OSBPL3: variants seen among roughly 807,000 people sequenced by gnomAD.
OSBPL3 encodes the protein oxysterol binding protein like 3.
A neutral mutation model predicts 120.1 loss-of-function variants in OSBPL3; 65 were observed. The ratio of observed to expected loss-of-function variants is 0.54; its 90% CI spans 0.44 to 0.67. The LOEUF (loss-of-function observed/expected upper bound fraction) is 0.67, where lower values mean the gene tolerates loss of function less well. OSBPL3 is among the 30% of genes least tolerant of loss of function. The pLI, the probability that OSBPL3 is intolerant of heterozygous loss-of-function variation, is 0.00. For missense variants in OSBPL3, 1,004 were observed against 1,082.1 expected (o/e 0.93, Z 1.01); for synonymous variants, 416 against 402.6 (o/e 1.03, Z -0.40).
Position 24,896,633 on chromosome 7 carries a change from A to G in OSBPL3, c.-149-4012T>C, listed in dbSNP as rs1806173410. On this transcript the variant is annotated intron_variant, in intron 1 of 22. Transcript: ENST00000313367. The surrounding 1 kb of genome is among the most constrained non-coding windows in gnomAD (Gnocchi z 4.4). The stretch of plus-strand genomic sequence containing the variant: ...ATGTAAAGGTGACATCACATACTAT[A>G]TATGTGTGCTGGAAGGAGTCAGACC... 6.6e-6 allele frequency among the ~76,000 whole-genome samples: 1 copy of G among 152,202 alleles called. No individual in the cohort carries two copies. Among genetic ancestry groups the G allele is most frequent in the Non-Finnish European group, 1.5e-5 (1 of 68,036 alleles).
At chr7:24,807,051 CA>C in intron 20 of OSBPL3, 149 bp from the exon 21 acceptor site, 1 of 661,318 alleles carries the variant, frequency 1.5e-6, no homozygotes, top group Non-Finnish European at 2.5e-6. Context: ...AATGAACAGG[CA>C]CTGAACATTT....
intron 2 of OSBPL3, among the ~76,000 whole-genome samples, chr7:24,887,016 T>C (rs1363888966): frequency 6.6e-6 from 1 of 152,188 alleles, no homozygotes; most frequent in Non-Finnish European, 1.5e-5. Context: ...GCAATTCACA[T>C]TTACTATGTA....
chr7:24,816,319 C>A (rs952991281), intron 18 of OSBPL3, among the ~76,000 whole-genome samples: 2 of 152,158 alleles, frequency 1.3e-5, no homozygotes, highest in Non-Finnish European at 2.9e-5. Context: ...TGAGCCACTG[C>A]GCCCAGCTAA....
At chr7:24,945,728 C>T (rs951208402) in intron 1 of OSBPL3, among the ~76,000 whole-genome samples, 17 of 152,180 alleles carry the variant, frequency 1.1e-4, no homozygotes, top group Non-Finnish European at 5.9e-5. Context: ...GACATAACTA[C>T]ATTAATCACA....
In OSBPL3 at chr7:24,842,723, A is replaced by G. The variant is rs73087718; in HGVS notation, c.1267-310T>C. Among the ~76,000 whole-genome samples the G allele has an allele frequency of 7.9e-3, 1,210 of 152,328 alleles. 7 individuals are homozygous for G. The highest frequency in any genetic ancestry group is 0.044 in the Middle Eastern group (13 of 294). On this transcript the variant is annotated intron_variant, in intron 12 of 22. Coordinates refer to ENST00000313367, the MANE Select transcript of OSBPL3 (RefSeq NM_015550.4). ...GAAAAATTCCAGTGCTCTCTGAATC[A>G]TATCCTCTTATTCGCTACCACTGCT...
At position 24,827,829 on chromosome 7, in the gene OSBPL3, G is replaced by T. The variant is rs1795880916; in HGVS notation, c.1884+2939C>A. Among the ~76,000 whole-genome samples, 1 of 152,174 alleles carries T rather than the reference G, an allele frequency of 6.6e-6. No homozygotes were observed. Among genetic ancestry groups the T allele is most frequent in the Admixed American group, 6.5e-5 (1 of 15,282 alleles). Reference sequence around the variant, plus strand: ...AAGCCAGCTGTGAGAACTCCTGGCTGCCTGACAGCCATTTTCTGTCAGAGA... The same window carrying T: ...AAGCCAGCTGTGAGAACTCCTGGCTTCCTGACAGCCATTTTCTGTCAGAGA... On this transcript the variant is annotated intron_variant, in intron 16 of 22. Transcript: ENST00000313367. This position sits in a 1 kb window ranked among gnomAD's most constrained non-coding sequence, Gnocchi z 5.1.
intron 1 of OSBPL3, among the ~76,000 whole-genome samples, chr7:24,944,381 C>A (rs1009656240): frequency 6.6e-6 from 1 of 152,006 alleles, no homozygotes; most frequent in African/African-American, 2.4e-5. Flanking sequence ...GTAATCCCAG[C>A]ACTTTGGGAG....
Position 24,831,070 on chromosome 7 carries a change from A to C in OSBPL3, c.1747-165T>G, listed in dbSNP as rs780503440. ...AGGTTTAAAATTGTAGGTTTAAATA[A>C]TGTTTATCTGGGCCCCAAAACAAAT... On this transcript the variant is annotated intron_variant, in intron 15 of 22. Coordinates refer to ENST00000313367, the MANE Select transcript of OSBPL3 (RefSeq NM_015550.4). The surrounding 1 kb of genome is among the most constrained non-coding windows in gnomAD (Gnocchi z 4.0). Among the ~76,000 whole-genome samples the C allele has an allele frequency of 6.6e-6, 1 of 152,240 alleles. No homozygotes were observed. The highest frequency in any genetic ancestry group is 1.5e-5 in the Non-Finnish European group (1 of 68,042).
rs1284792883 is a variant in OSBPL3 at position 24,966,938 on chromosome 7, T to C, written c.-150+12948A>G. Among the ~76,000 whole-genome samples the C allele has an allele frequency of 6.6e-6, 1 of 152,184 alleles. No individual in the cohort carries two copies. The highest frequency in any genetic ancestry group is 1.5e-5 in the Non-Finnish European group (1 of 68,032). On this transcript the variant is annotated intron_variant, in intron 1 of 22. Transcript: ENST00000313367. The surrounding 1 kb of genome is among the most constrained non-coding windows in gnomAD (Gnocchi z 4.8). ...CTTTGCTTATTCCCCATTCACAGTC[T>C]TCTGGAAAATATATGAAAAACATCC...
chr7:24,803,762 C>T lies in OSBPL3; in HGVS notation c.2567+553G>A, dbSNP rs1190881904. ...CTCCAGCCTGGGTGACAGAGCGAGA[C>T]TCTGTATCAGAAAAAAAAAAAATTA... On this transcript the variant is annotated intron_variant, in intron 22 of 22. Transcript: ENST00000313367. The surrounding 1 kb of genome is among the most constrained non-coding windows in gnomAD (Gnocchi z 4.2). Among the ~76,000 whole-genome samples, 1 of 150,970 alleles carries T rather than the reference C, an allele frequency of 6.6e-6. No homozygotes were observed. The highest frequency in any genetic ancestry group is 2.4e-5 in the African/African-American group (1 of 41,170).
At chr7:24,811,451 A>G (rs992223826) in intron 19 of OSBPL3, among the ~76,000 whole-genome samples, 2 of 152,158 alleles carry the variant, frequency 1.3e-5, no homozygotes, top group Non-Finnish European at 2.9e-5. Context: ...ATTTTCTCCT[A>G]TTCTACAGAT....
At chr7:24,904,918 GGT>G (rs67222925) in intron 1 of OSBPL3, among the ~76,000 whole-genome samples, 19,841 of 132,648 alleles carry the variant, frequency 0.15, 1,501 homozygotes, top group Non-Finnish European at 0.19. Flanking sequence ...ATAATATACA[GGT>G]GTGTGTGTGT....
Position 24,805,542 on chromosome 7 carries a change from C to A in OSBPL3, c.2445-1105G>T, listed in dbSNP as rs984917458. The stretch of plus-strand genomic sequence containing the variant: ...ATTTCCAATTAACTCCATTCTTAGG[C>A]TTGATTTAAGAAACACAATTGTAAC... On this transcript the variant is annotated intron_variant, in intron 21 of 22. Coordinates refer to ENST00000313367, the MANE Select transcript of OSBPL3 (RefSeq NM_015550.4). This position sits in a 1 kb window ranked among gnomAD's most constrained non-coding sequence, Gnocchi z 4.0. 5.3e-5 allele frequency among the ~76,000 whole-genome samples: 8 copies of A among 152,082 alleles called. No homozygotes were observed. The highest frequency in any genetic ancestry group is 1.9e-4 in the African/African-American group (8 of 41,404).
Position 24,855,195 on chromosome 7 carries a change from C to CA in OSBPL3, c.1028-2562_1028-2561insT, listed in dbSNP as rs1184159576. ...AGGCACTATGCCCCTCCCCTGCCTG[C>CA]CACACACACAGGATGCCCATGGCCA... is the stretch of plus-strand genomic sequence containing the variant. On this transcript the variant is annotated intron_variant, in intron 10 of 22. Coordinates refer to ENST00000313367, the MANE Select transcript of OSBPL3 (RefSeq NM_015550.4). This position sits in a 1 kb window ranked among gnomAD's most constrained non-coding sequence, Gnocchi z 4.3. Among the ~76,000 whole-genome samples the CA allele has an allele frequency of 6.6e-6, 1 of 152,094 alleles. No homozygotes were observed. The highest frequency in any genetic ancestry group is 2.4e-5 in the African/African-American group (1 of 41,416).
At chr7:24,903,451 G>C (rs1001377903) in intron 1 of OSBPL3, among the ~76,000 whole-genome samples, 2 of 152,200 alleles carry the variant, frequency 1.3e-5, no homozygotes, top group Non-Finnish European at 2.9e-5. Flanking sequence ...CTGGGAGAGC[G>C]CACTTGCAGG....
chr7:24,924,251 A>G (rs183715504), intron 1 of OSBPL3, among the ~76,000 whole-genome samples: 1 of 152,344 alleles, frequency 6.6e-6, no homozygotes, highest in East Asian at 1.9e-4. Flanking sequence ...ATGTACACTG[A>G]AAATAAAGAC....
In OSBPL3 at chr7:24,879,202, CT is replaced by C. The variant is rs1297122569; in HGVS notation, c.97-7134del. Among the ~76,000 whole-genome samples, 1 of 152,110 alleles carries C rather than the reference CT, an allele frequency of 6.6e-6. No homozygotes were observed. Among genetic ancestry groups the C allele is most frequent in the Non-Finnish European group, 1.5e-5 (1 of 68,024 alleles). The stretch of plus-strand genomic sequence containing the variant: ...TGGCAGGGAGTTTAGAACAAGTGAG[CT>C]ATGAGATCCTTTCTAAATCTTCTAT... On this transcript the variant is annotated intron_variant, in intron 2 of 22. Coordinates refer to ENST00000313367, the MANE Select transcript of OSBPL3 (RefSeq NM_015550.4). The surrounding 1 kb of genome is among the most constrained non-coding windows in gnomAD (Gnocchi z 5.6).
At chr7:24,850,988 G>A (rs1311363079) in intron 11 of OSBPL3, among the ~76,000 whole-genome samples, 1 of 152,206 alleles carries the variant, frequency 6.6e-6, no homozygotes, top group East Asian at 1.9e-4. Context: ...CTTAGTGAAG[G>A]TGAGAACAGC....
intron 1 of OSBPL3, among the ~76,000 whole-genome samples, chr7:24,971,842 T>C (rs1399977328): frequency 6.6e-6 from 1 of 152,198 alleles, no homozygotes; most frequent in Non-Finnish European, 1.5e-5. Flanking sequence ...TTATTCATAA[T>C]TACCTCCACC....
Sources: gnomAD v4.1 joint callset for allele counts (sites outside exome capture counted in the v4.1 genomes callset) on GRCh38, gnomAD v4.1.1 for gene constraint, Gnocchi (gnomAD v3.1) non-coding constraint, MANE v1.5 for transcripts, NCBI Gene and HGNC (gene_info 2026-07-23, HGNC 2026-07-21) for gene names.